The following TGFBR3 variants were observed in gnomAD, a reference collection of about 807,000 sequenced individuals.
The protein encoded by TGFBR3 is transforming growth factor beta receptor type 3.
A neutral mutation model predicts 87.9 loss-of-function variants in TGFBR3; 46 were observed. That is an observed-to-expected ratio of 0.52 (90% CI 0.41 to 0.67). The LOEUF is 0.67. Ranked by LOEUF, TGFBR3 falls within the 30% of genes least tolerant of loss-of-function variation. The pLI is 0.00. For synonymous variants in TGFBR3, 381 were observed against 391.6 expected (o/e 0.97, Z 0.32); for missense variants, 866 against 1,041.9 (o/e 0.83, Z 2.32).
rs573675661 is a variant in TGFBR3 at position 91,717,614 on chromosome 1, A to G, written c.1567-906T>C. Among the ~76,000 whole-genome samples the G allele has an allele frequency of 8.5e-5, 13 of 152,204 alleles. 1 individual carries two copies. The South Asian group carries it at 2.5e-3, about 29-fold the overall frequency. ...AAAATAGAAATATATAGTAAGTCTG[A>G]AAATTACTACAAACAATTATAATTG... is the stretch of plus-strand genomic sequence containing the variant. On this transcript the variant is annotated intron_variant, in intron 10 of 16. Transcript: ENST00000212355.
intron 2 of TGFBR3, among the ~76,000 whole-genome samples, chr1:91,851,482 G>A (rs1050180262): frequency 3.4e-4 from 51 of 152,226 alleles, no homozygotes; most frequent in African/African-American, 1.1e-3. Context: ...CACGCTTCCC[G>A]GAACACTTCC....
intron 2 of TGFBR3, among the ~76,000 whole-genome samples, chr1:91,812,849 G>T (rs1408655091): frequency 6.6e-6 from 1 of 152,132 alleles, no homozygotes; most frequent in Non-Finnish European, 1.5e-5. Flanking sequence ...CCTGACCTCA[G>T]GTGATTTGTC....
chr1:91,835,744 C>G (rs369608665), intron 2 of TGFBR3, among the ~76,000 whole-genome samples: 1 of 141,502 alleles, frequency 7.1e-6, no homozygotes, highest in East Asian at 2.2e-4. Context: ...AGGACAATGA[C>G]GTGAACCCGG....
At position 91,681,261 on chromosome 1, in the gene TGFBR3, T is replaced by A. The variant is rs775295275; in HGVS notation, c.*2478A>T. ...AAATACCTTATTTTTTTCATGTTCA[T>A]TTTTTAGAAACATTTCAGAAATACT... On this transcript the variant is annotated 3_prime_UTR_variant, in exon 17 of 17. Coordinates refer to ENST00000212355, the MANE Select transcript of TGFBR3 (RefSeq NM_003243.5). 1.2e-4 allele frequency: 52 copies of A among 441,662 alleles called. No individual in the cohort carries two copies. The highest frequency in any genetic ancestry group is 2.2e-4 in the Non-Finnish European group (48 of 222,614). 27.4% of individuals were successfully genotyped at this position (441,662 alleles called of 1,614,324 possible).
chr1:91,818,864 GT>G (rs1252080987), intron 2 of TGFBR3, among the ~76,000 whole-genome samples: 1 of 152,140 alleles, frequency 6.6e-6, no homozygotes, highest in Non-Finnish European at 1.5e-5. Flanking sequence ...TGATGGTGGG[GT>G]TTTTTCCAGA....
chr1:91,882,541 G>A (rs1679133814), intron 1 of TGFBR3, among the ~76,000 whole-genome samples: 3 of 151,882 alleles, frequency 2.0e-5, no homozygotes, highest in Admixed American at 6.5e-5. Context: ...TCAGGAGATC[G>A]AGACCTTCCT....
intron 2 of TGFBR3, among the ~76,000 whole-genome samples, chr1:91,838,514 A>G (rs6694779): frequency 6.9e-6 from 1 of 145,332 alleles, no homozygotes; most frequent in Admixed American, 7.1e-5. Flanking sequence ...GCTGGAGTGC[A>G]GTGGGGCAAA....
intron 2 of TGFBR3, among the ~76,000 whole-genome samples, chr1:91,799,021 T>A (rs1281158491): frequency 6.6e-6 from 1 of 152,136 alleles, no homozygotes; most frequent in Non-Finnish European, 1.5e-5. Context: ...CCCAGGAAAC[T>A]GGGCTGAAAC....
At chr1:91,730,988 G>A (rs969565521) in intron 5 of TGFBR3, among the ~76,000 whole-genome samples, 2 of 152,214 alleles carry the variant, frequency 1.3e-5, no homozygotes, top group African/African-American at 4.8e-5. Flanking sequence ...ACAGCACGGC[G>A]GCTGATGGGA....
intron 14 of TGFBR3, among the ~76,000 whole-genome samples, chr1:91,701,543 T>C (rs1002348804): frequency 3.3e-5 from 5 of 152,200 alleles, no homozygotes; most frequent in Non-Finnish European, 7.3e-5. Context: ...CTATAATCAA[T>C]GTTCTGAATT....
At chr1:91,783,131 T>C (rs972618188) in intron 3 of TGFBR3, 19 of 152,356 alleles carry the variant, frequency 1.2e-4, no homozygotes, top group Admixed American at 6.5e-4. Context: ...CTGGGCTCTG[T>C]CCTTGCTTCA....
chr1:91,837,549 G>A (rs926410623), intron 2 of TGFBR3, among the ~76,000 whole-genome samples: 9 of 151,990 alleles, frequency 5.9e-5, no homozygotes, highest in Non-Finnish European at 1.2e-4. Flanking sequence ...TGGTAAGTAA[G>A]GATATAATGG....
At chr1:91,855,826 A>T (rs891325967) in intron 2 of TGFBR3, among the ~76,000 whole-genome samples, 2 of 152,164 alleles carry the variant, frequency 1.3e-5, no homozygotes, top group African/African-American at 4.8e-5. Context: ...AGGATCTAAG[A>T]GGCCAATAAA....
At chr1:91,777,710 A>G (rs1445980192) in intron 3 of TGFBR3, among the ~76,000 whole-genome samples, 2 of 151,790 alleles carry the variant, frequency 1.3e-5, no homozygotes, top group Non-Finnish European at 1.5e-5. Flanking sequence ...TTAAGTTTCT[A>G]TCTCGTGTAT....
intron 3 of TGFBR3, among the ~76,000 whole-genome samples, chr1:91,782,887 G>A (rs544665793): frequency 6.6e-6 from 1 of 152,140 alleles, no homozygotes; most frequent in East Asian, 1.9e-4. Flanking sequence ...AGAAGACATC[G>A]ATGCAGCTTC....
At chr1:91,693,078 T>G (rs575598647) in intron 16 of TGFBR3, among the ~76,000 whole-genome samples, 1 of 152,306 alleles carries the variant, frequency 6.6e-6, no homozygotes, top group African/African-American at 2.4e-5. Context: ...TTAATCTAAA[T>G]TGCTGCTAGC....
intron 1 of TGFBR3, among the ~76,000 whole-genome samples, chr1:91,871,385 A>T (rs1678577354): frequency 6.6e-6 from 1 of 152,178 alleles, no homozygotes; most frequent in Non-Finnish European, 1.5e-5. Flanking sequence ...AACATTTATT[A>T]GCGCCTACCC....
chr1:91,836,105 G>C (rs947349886), intron 2 of TGFBR3, among the ~76,000 whole-genome samples: 1 of 151,998 alleles, frequency 6.6e-6, no homozygotes, highest in South Asian at 2.1e-4. Flanking sequence ...AAATTAGCCA[G>C]GCGTGGTGGT....
At chr1:91,776,661 A>G (rs1184118486) in intron 3 of TGFBR3, among the ~76,000 whole-genome samples, 1 of 152,170 alleles carries the variant, frequency 6.6e-6, no homozygotes, top group Non-Finnish European at 1.5e-5. Context: ...GTGTAGTGCC[A>G]TTACCTCCTG....
Sources: gnomAD v4.1 joint callset for allele counts (sites outside exome capture counted in the v4.1 genomes callset) on GRCh38, gnomAD v4.1.1 for gene constraint, MANE v1.5 for transcripts, NCBI Gene and HGNC (gene_info 2026-07-23, HGNC 2026-07-21) for gene names.